The following ATAD3B variants were observed in gnomAD, a reference collection of about 807,000 sequenced individuals.
ATAD3B encodes the protein ATPase family AAA domain-containing protein 3B.
Under a neutral mutation model 70.2 loss-of-function variants are expected in ATAD3B, and 59 were observed. The observed-to-expected ratio is 0.84, with a 90% CI of 0.68 to 1.04. The LOEUF (loss-of-function observed/expected upper bound fraction) is 1.04. Ranked by LOEUF, ATAD3B falls within the 50% of genes least tolerant of loss-of-function variation. The pLI is 0.00. For missense variants in ATAD3B, 961 were observed against 913.4 expected (o/e 1.05, Z -0.67); for synonymous variants, 423 against 388.6 (o/e 1.09, Z -1.04).
chr1:1,489,094 G>A, intron 12 of ATAD3B, 110 bp from the exon 13 acceptor site: 1 of 1,557,796 alleles, frequency 6.4e-7, no homozygotes, highest in Middle Eastern at 1.9e-4. Flanking sequence ...ATCCATGAAA[G>A]TGTCGCCACG....
At chr1:1,489,173 G>C in intron 12 of ATAD3B, 31 bp from the exon 13 acceptor site, 4 of 1,612,818 alleles carry the variant, frequency 2.5e-6, no homozygotes, top group Non-Finnish European at 3.4e-6. Context: ...CTTTGCTTCT[G>C]GTGCCTAAGG....
At chr1:1,473,224 C>T (rs1421134005) in intron 1 of ATAD3B, among the ~76,000 whole-genome samples, 1 of 147,012 alleles carries the variant, frequency 6.8e-6, no homozygotes, top group East Asian at 2.0e-4. Flanking sequence ...ACTGCAAGCT[C>T]CGCCTCCCGT....
chr1:1,488,311 G>A (rs1043385958), intron 12 of ATAD3B, among the ~76,000 whole-genome samples: 9 of 151,910 alleles, frequency 5.9e-5, no homozygotes, highest in Admixed American at 2.6e-4. Flanking sequence ...GTGCAGGGGC[G>A]ACATCTCCAG....
downstream of ATAD3B, among the ~76,000 whole-genome samples, chr1:1,501,854 G>T (rs1640952310): frequency 6.6e-6 from 1 of 151,012 alleles, no homozygotes; most frequent in African/African-American, 2.4e-5. Flanking sequence ...CTTTGGGTAA[G>T]TTTTTTTTTG....
intron 2 of ATAD3B, chr1:1,478,286 G>A (rs1639704273): frequency 2.3e-6 from 2 of 862,950 alleles, no homozygotes; most frequent in Admixed American, 3.0e-5. Flanking sequence ...CAAGAGCGAT[G>A]GCGCCCGGCC....
chr1:1,472,806 CTCAA>C (rs1639398088), intron 1 of ATAD3B, among the ~76,000 whole-genome samples: 1 of 151,974 alleles, frequency 6.6e-6, no homozygotes, highest in African/African-American at 2.4e-5. Flanking sequence ...TACAGTGGTT[CTCAA>C]CTCTTGTTTA....
At chr1:1,485,253 C>G in intron 8 of ATAD3B, 82 bp downstream of exon 8, 1 of 1,550,624 alleles carries the variant, frequency 6.4e-7, no homozygotes, top group Admixed American at 1.9e-5. Context: ...CACGCACACC[C>G]TCCCGTCCCT....
At chr1:1,501,010 C>T (rs1378246050), downstream of ATAD3B, among the ~76,000 whole-genome samples, 1 of 152,176 alleles carries the variant, frequency 6.6e-6, no homozygotes, top group Non-Finnish European at 1.5e-5. Flanking sequence ...CTTCCTGGTT[C>T]TGTAAGTACT....
intron 13 of ATAD3B, chr1:1,489,983 A>G: frequency 7.7e-7 from 1 of 1,305,652 alleles, no homozygotes; most frequent in East Asian, 3.6e-5. Context: ...TGTTCCCGGC[A>G]CTGCCTATCA....
chr1:1,507,413 C>T, the ATAD3B span, among the ~76,000 whole-genome samples: 39 of 152,244 alleles, frequency 2.6e-4, no homozygotes, highest in African/African-American at 8.7e-4. Context: ...GCTTTTCCTG[C>T]GTCAGTTGAG....
intron 9 of ATAD3B, 117 bp from the exon 10 acceptor site, chr1:1,485,993 A>G: frequency 6.3e-7 from 1 of 1,591,162 alleles, no homozygotes; most frequent in Non-Finnish European, 8.6e-7. Flanking sequence ...TAGGCTGCCC[A>G]CGAGCTGGGC....
the ATAD3B span, chr1:1,509,395 C>T: frequency 1.2e-6 from 2 of 1,600,988 alleles, no homozygotes; most frequent in South Asian, 2.2e-5. Context: ...CCGCGGACCC[C>T]TCCCACCCCT....
At chr1:1,507,171 T>G in the ATAD3B span, among the ~76,000 whole-genome samples, 1 of 152,316 alleles carries the variant, frequency 6.6e-6, no homozygotes, top group Non-Finnish European at 1.5e-5. Context: ...TTTGGATGAC[T>G]TCTTTTTCTT....
At chr1:1,506,787 CTTTTTTT>C in the ATAD3B span, among the ~76,000 whole-genome samples, 22 of 120,048 alleles carry the variant, frequency 1.8e-4, no homozygotes, top group South Asian at 8.1e-4. Context: ...TTTCTTTTTT[CTTTTTTT>C]TTTTTTTTTT....
In ATAD3B at chr1:1,477,171, A is replaced by G. The variant is rs1333972230; in HGVS notation, c.206-103A>G. On this transcript the variant is annotated intron_variant, in intron 1 of 15. Coordinates refer to ENST00000673477, the MANE Select transcript of ATAD3B (RefSeq NM_031921.6). ...TTACAGGCGTGAACCACCGCTTCCC[A>G]CTAGGTTTTTGTATTTTTAGTAGAG... is the stretch of plus-strand genomic sequence containing the variant. 2.7e-6 allele frequency: 4 copies of G among 1,459,310 alleles called. No individual in the cohort carries two copies. In the African/African-American group the frequency reaches 4.2e-5, roughly 15 times the overall value. 90.4% of individuals were successfully genotyped at this position (1,459,310 alleles called of 1,614,324 possible).
At chr1:1,486,420 T>C in intron 10 of ATAD3B, 124 bp from the exon 11 acceptor site, 1 of 1,601,920 alleles carries the variant, frequency 6.2e-7, no homozygotes, top group East Asian at 2.2e-5. Context: ...ACGTCTCCTG[T>C]CTGGCAGGCT....
At position 1,475,460 on chromosome 1, in the gene ATAD3B, G is replaced by A. The variant is rs540115749; in HGVS notation, c.206-1814G>A. Among the ~76,000 whole-genome samples, 9 of 151,460 alleles carry A rather than the reference G, an allele frequency of 5.9e-5. No homozygotes were observed. The East Asian group carries it at 1.2e-3, about 20-fold the overall frequency. The stretch of plus-strand genomic sequence containing the variant: ...GTGCCCCTTTCCTGGCAGCGGGGTC[G>A]CCGAGATTCGCCCGTTGCTTTGTCC... On this transcript the variant is annotated intron_variant, in intron 1 of 15. Transcript: ENST00000673477.
chr1:1,496,090 C>G lies in ATAD3B; in HGVS notation c.*273C>G. 1 of 1,207,186 alleles carries G rather than the reference C, an allele frequency of 8.3e-7. No individual in the cohort carries two copies. The highest frequency in any genetic ancestry group is 3.6e-5 in the East Asian group (1 of 27,858). 74.8% of individuals were successfully genotyped at this position (1,207,186 alleles called of 1,614,324 possible). A position where few individuals can be genotyped will look rare whatever the true frequency, so the allele number is the denominator to read the frequency against. On this transcript the variant is annotated 3_prime_UTR_variant, in exon 16 of 16. Coordinates refer to ENST00000673477, the MANE Select transcript of ATAD3B (RefSeq NM_031921.6). Reference sequence around the variant, plus strand: ...CCTGAACCCTGCTTCCAGCCATGGCCAGGGGCCACGGAACCCGGCAGGGGT... The same window carrying G: ...CCTGAACCCTGCTTCCAGCCATGGCGAGGGGCCACGGAACCCGGCAGGGGT...
chr1:1,506,877 T>A, the ATAD3B span, among the ~76,000 whole-genome samples: 3 of 149,774 alleles, frequency 2.0e-5, no homozygotes, highest in Non-Finnish European at 3.0e-5. Context: ...AAGCTCCGCC[T>A]CTTGGGTTCA....
Sources: gnomAD v4.1 joint callset for allele counts (sites outside exome capture counted in the v4.1 genomes callset) on GRCh38, gnomAD v4.1.1 for gene constraint, MANE v1.5 for transcripts, NCBI Gene and HGNC (gene_info 2026-07-23, HGNC 2026-07-21) for gene names.